The following MYO5B variants were observed in gnomAD, a reference collection of about 807,000 sequenced individuals.
The protein encoded by MYO5B is unconventional myosin-Vb.
Under a neutral mutation model 229.3 loss-of-function variants are expected in MYO5B, and 143 were observed. The observed-to-expected ratio is 0.62, with a 90% confidence interval of 0.54 to 0.72. The LOEUF is 0.72. MYO5B is among the 30% of genes least tolerant of loss of function. MYO5B has a pLI of 0.00. For missense variants in MYO5B, 2,321 were observed against 2,331.0 expected, an observed-to-expected ratio of 1.00 and a Z score of 0.09; for synonymous variants, 918 against 885.2, an observed-to-expected ratio of 1.04 and a Z score of -0.66.
intron 4 of MYO5B, among the ~76,000 whole-genome samples, chr18:50,030,451 T>C (rs1337881197): frequency 1.3e-5 from 2 of 152,144 alleles, no homozygotes; most frequent in Non-Finnish European, 2.9e-5. Context: ...GGGACACTTT[T>C]GGCTTTTTCA....
rs376663546 is a variant in MYO5B, at chr18:49,895,221, A to G, written c.2812-47T>C. Reference sequence around the variant, plus strand: ...AAGGAGAAGGGAGAAGAAGTGGGGGAAGAAAAGGTTATTTTACCAGGGAAA... The same window carrying G: ...AAGGAGAAGGGAGAAGAAGTGGGGGGAGAAAAGGTTATTTTACCAGGGAAA... On this transcript the variant is annotated intron_variant, in intron 21 of 39. Transcript: ENST00000285039. 3 of 1,502,038 alleles carry G rather than the reference A, an allele frequency of 2.0e-6. No individual in the cohort carries two copies. In the African/African-American group the frequency reaches 4.1e-5, roughly 21 times the overall value. The allele number at this position is 1,502,038 out of a possible 1,614,324, so 93.0% of individuals were successfully genotyped here.
At chr18:50,128,187 C>T (rs1467086428) in intron 1 of MYO5B, among the ~76,000 whole-genome samples, 1 of 152,132 alleles carries the variant, frequency 6.6e-6, no homozygotes. Context: ...AATCCTAATA[C>T]ACTACTATTG....
intron 4 of MYO5B, among the ~76,000 whole-genome samples, chr18:50,036,601 A>G (rs1219496643): frequency 6.6e-6 from 1 of 152,254 alleles, no homozygotes; most frequent in Non-Finnish European, 1.5e-5. Context: ...AATTTATTCC[A>G]TTGCTCAAAA....
intron 4 of MYO5B, among the ~76,000 whole-genome samples, chr18:50,014,177 G>C (rs1218571047): frequency 6.6e-6 from 1 of 150,760 alleles, no homozygotes; most frequent in African/African-American, 2.5e-5. Flanking sequence ...TCACAGTTAA[G>C]AGAAGCAGTA....
intron 4 of MYO5B, among the ~76,000 whole-genome samples, chr18:50,021,882 T>C (rs970599319): frequency 6.6e-6 from 1 of 152,126 alleles, no homozygotes; most frequent in Non-Finnish European, 1.5e-5. Context: ...ATCTGGGAAG[T>C]TCTCTCCTCC....
chr18:50,182,407 A>G (rs951933048), intron 1 of MYO5B, among the ~76,000 whole-genome samples: 13 of 152,184 alleles, frequency 8.5e-5, no homozygotes, highest in African/African-American at 3.1e-4. Flanking sequence ...GTGGAGAAAG[A>G]TTGTTAATAA....
chr18:50,039,435 G>A (rs558704960), intron 3 of MYO5B, among the ~76,000 whole-genome samples: 6 of 152,152 alleles, frequency 3.9e-5, no homozygotes, highest in East Asian at 1.9e-4. Context: ...CGGTTCAAGC[G>A]ATTCTCCTGC....
chr18:49,837,924 G>T, intron 36 of MYO5B, 122 bp from the exon 37 acceptor site: 1 of 1,299,542 alleles, frequency 7.7e-7, no homozygotes, highest in Non-Finnish European at 1.1e-6. Context: ...GTGCAATGTT[G>T]ACATGCTTAG....
At chr18:50,164,106 T>C (rs1167416262) in intron 1 of MYO5B, among the ~76,000 whole-genome samples, 1 of 152,182 alleles carries the variant, frequency 6.6e-6, no homozygotes, top group Admixed American at 6.5e-5. Flanking sequence ...TTAGACAAGG[T>C]AGCTATCCTG....
intron 10 of MYO5B, among the ~76,000 whole-genome samples, chr18:49,964,070 A>G (rs188696344): frequency 1.1e-4 from 16 of 152,270 alleles, no homozygotes; most frequent in African/African-American, 3.6e-4. Flanking sequence ...GTTAGCTGCT[A>G]TTAGTTTTGT....
chr18:49,856,944 C>A, intron 29 of MYO5B, 54 bp from the exon 30 acceptor site: 1 of 1,467,044 alleles, frequency 6.8e-7, no homozygotes, highest in Non-Finnish European at 9.6e-7. Context: ...AAGAGACAGG[C>A]AGGCAGGGAG....
intron 17 of MYO5B, among the ~76,000 whole-genome samples, chr18:49,913,781 C>T (rs2024983449): frequency 6.6e-6 from 1 of 151,988 alleles, no homozygotes; most frequent in African/African-American, 2.4e-5. Flanking sequence ...CATATAAACT[C>T]CAAACCCCAG....
chr18:49,833,658 T>C (rs11874836), intron 39 of MYO5B, among the ~76,000 whole-genome samples: 22,292 of 152,226 alleles, frequency 0.15, 1,755 homozygotes, highest in East Asian at 0.27. Flanking sequence ...TGAGCAGTTA[T>C]AGTTCTCCCT....
chr18:50,011,895 C>T (rs910841076), intron 4 of MYO5B, among the ~76,000 whole-genome samples: 11 of 151,894 alleles, frequency 7.2e-5, no homozygotes, highest in African/African-American at 2.7e-4. Context: ...GGGCCTCTGA[C>T]ACTCCAGGCC....
chr18:50,115,541 CAGAGAG>C (rs765565196), intron 1 of MYO5B, among the ~76,000 whole-genome samples: 2,135 of 65,432 alleles, frequency 0.033, 26 homozygotes, highest in South Asian at 0.042. Flanking sequence ...CACACACACA[CAGAGAG>C]ACACACACAC....
At chr18:49,963,449 GTCTGAC>G (rs1031564439) in intron 10 of MYO5B, among the ~76,000 whole-genome samples, 1 of 151,288 alleles carries the variant, frequency 6.6e-6, no homozygotes, top group Non-Finnish European at 1.5e-5. Context: ...TTGAGACATG[GTCTGAC>G]TCTGTCACCC....
At chr18:50,075,574 C>T (rs916628633) in intron 1 of MYO5B, among the ~76,000 whole-genome samples, 2 of 152,172 alleles carry the variant, frequency 1.3e-5, no homozygotes, top group South Asian at 2.1e-4. Flanking sequence ...GGCCATGCAG[C>T]GATGACAGAG....
chr18:49,951,388 C>A (rs188307935), intron 14 of MYO5B, among the ~76,000 whole-genome samples: 1 of 152,242 alleles, frequency 6.6e-6, no homozygotes, highest in Non-Finnish European at 1.5e-5. Context: ...ACCTTCTTAG[C>A]GTTACCACAG....
chr18:50,040,852 TG>T (rs1343404558), intron 2 of MYO5B, among the ~76,000 whole-genome samples: 6 of 152,220 alleles, frequency 3.9e-5, no homozygotes, highest in African/African-American at 1.4e-4. Context: ...ATTAGGAGTT[TG>T]AGACATATGT....
Sources: gnomAD v4.1 joint callset for allele counts (sites outside exome capture counted in the v4.1 genomes callset) on GRCh38, gnomAD v4.1.1 for gene constraint, MANE v1.5 for transcripts, NCBI Gene and HGNC (gene_info 2026-07-23, HGNC 2026-07-21) for gene names.